The following PRKCA variants were observed in gnomAD, a reference collection of about 807,000 sequenced individuals.
PRKCA encodes the protein protein kinase C alpha type.
A neutral mutation model predicts 87.0 loss-of-function variants in PRKCA; 27 were observed. The observed-to-expected ratio is 0.31, with a 90% CI of 0.23 to 0.43. PRKCA has a LOEUF of 0.43. Ranked by LOEUF, PRKCA falls within the 20% of genes least tolerant of loss-of-function variation. The probability of loss-of-function intolerance (pLI) is 1.00; values close to 1 mark genes in which losing one functional copy is unlikely to be tolerated. For missense variants in PRKCA, 518 were observed against 852.3 expected (o/e 0.61, Z 4.88); for synonymous variants, 329 against 311.1 (o/e 1.06, Z -0.61).
intron 2 of PRKCA, among the ~76,000 whole-genome samples, chr17:66,452,863 CA>C (rs1914392307): frequency 6.6e-6 from 1 of 152,086 alleles, no homozygotes; most frequent in Non-Finnish European, 1.5e-5. Context: ...GACTCCGTCT[CA>C]AAAACAAACA....
At chr17:66,667,486 C>T (rs1347982979) in intron 5 of PRKCA, among the ~76,000 whole-genome samples, 1 of 152,138 alleles carries the variant, frequency 6.6e-6, no homozygotes, top group Non-Finnish European at 1.5e-5. Context: ...CCTTATAAAG[C>T]CATCAGATCT....
intron 2 of PRKCA, among the ~76,000 whole-genome samples, chr17:66,446,776 G>T (rs1914059713): frequency 6.6e-6 from 1 of 152,194 alleles, no homozygotes; most frequent in Non-Finnish European, 1.5e-5. Flanking sequence ...CTGGGCTGCA[G>T]TGGAAGAGGA....
Position 66,386,139 on chromosome 17 carries a change from G to A in PRKCA, c.205+80012G>A, listed in dbSNP as rs192747941. On this transcript the variant is annotated intron_variant, in intron 2 of 16. Coordinates refer to ENST00000413366, the MANE Select transcript of PRKCA (RefSeq NM_002737.3). ...GTAACCGCTTTTGAAGTCTCGTTGT[G>A]TCGTTTAAGAACTGCTTTTGAGGTA... is the stretch of plus-strand genomic sequence containing the variant. 1.3e-3 allele frequency among the ~76,000 whole-genome samples: 194 copies of A among 152,274 alleles called. 1 individual carries two copies. Among genetic ancestry groups the A allele is most frequent in the African/African-American group, 4.2e-3 (176 of 41,554 alleles).
chr17:66,688,462 T>C, intron 7 of PRKCA, 26 bp downstream of exon 7: 1 of 1,613,794 alleles, frequency 6.2e-7, no homozygotes, highest in Non-Finnish European at 8.5e-7. Context: ...AGGTTGAGTA[T>C]GTCTCAAAGC....
At chr17:66,417,839 C>T (rs1374353787) in intron 2 of PRKCA, among the ~76,000 whole-genome samples, 1 of 152,132 alleles carries the variant, frequency 6.6e-6, no homozygotes, top group African/African-American at 2.4e-5. Context: ...TAGAGTTGCT[C>T]AGGCCATTCT....
At chr17:66,617,481 G>A (rs1175597240) in intron 3 of PRKCA, among the ~76,000 whole-genome samples, 3 of 152,188 alleles carry the variant, frequency 2.0e-5, no homozygotes, top group Non-Finnish European at 4.4e-5. Context: ...TGAACCAGGG[G>A]AAACAGGCCA....
At chr17:66,780,378 T>G (rs1055222317) in intron 14 of PRKCA, among the ~76,000 whole-genome samples, 1 of 145,574 alleles carries the variant, frequency 6.9e-6, no homozygotes, top group African/African-American at 2.5e-5. Context: ...GCATCATAAT[T>G]TGAAAATAAT....
At chr17:66,749,788 G>A (rs1404074709) in intron 13 of PRKCA, among the ~76,000 whole-genome samples, 2 of 152,170 alleles carry the variant, frequency 1.3e-5, no homozygotes, top group Non-Finnish European at 2.9e-5. Flanking sequence ...ACTGAGAGGG[G>A]TGGAACTCTT....
chr17:66,394,750 T>A (rs1910561673), intron 2 of PRKCA, among the ~76,000 whole-genome samples: 1 of 152,180 alleles, frequency 6.6e-6, no homozygotes, highest in African/African-American at 2.4e-5. Flanking sequence ...CCCATGCTGT[T>A]CTTGTGATAG....
chr17:66,632,906 T>G (rs1032720441), intron 3 of PRKCA, among the ~76,000 whole-genome samples: 21 of 152,224 alleles, frequency 1.4e-4, no homozygotes, highest in Admixed American at 1.2e-3. Context: ...GGCAAAGGAC[T>G]CATAAGAAAC....
intron 2 of PRKCA, among the ~76,000 whole-genome samples, chr17:66,420,172 C>T (rs749383848): frequency 2.0e-4 from 31 of 151,892 alleles, no homozygotes; most frequent in Non-Finnish European, 8.8e-5. Flanking sequence ...CCACCACGCC[C>T]GGCTAATTTT....
chr17:66,791,342 C>G (rs998647057), intron 16 of PRKCA, among the ~76,000 whole-genome samples: 1 of 152,072 alleles, frequency 6.6e-6, no homozygotes, highest in African/African-American at 2.4e-5. Flanking sequence ...GAAGAGATTT[C>G]TCAGGCAGAA....
chr17:66,636,474 G>A (rs958400806), intron 3 of PRKCA, among the ~76,000 whole-genome samples: 1 of 152,140 alleles, frequency 6.6e-6, no homozygotes, highest in Non-Finnish European at 1.5e-5. Flanking sequence ...TGCAGAAGTC[G>A]GGAATGCGGG....
chr17:66,731,283 G>T (rs1478320840), intron 8 of PRKCA, among the ~76,000 whole-genome samples: 2 of 150,624 alleles, frequency 1.3e-5, no homozygotes, highest in Non-Finnish European at 2.9e-5. Context: ...GGCGGAGGTT[G>T]CAGTGAGCTG....
At chr17:66,798,378 C>CGGT (rs1191158029) in intron 16 of PRKCA, among the ~76,000 whole-genome samples, 55 of 54,978 alleles carry the variant, frequency 1.0e-3, no homozygotes, top group South Asian at 3.0e-3. Flanking sequence ...TTTCAGTAGG[C>CGGT]GGTGGTGGTG....
intron 16 of PRKCA, among the ~76,000 whole-genome samples, chr17:66,802,971 C>T (rs1196956104): frequency 6.6e-6 from 1 of 152,204 alleles, no homozygotes; most frequent in Non-Finnish European, 1.5e-5. Context: ...TCACCCTGGG[C>T]TCCCGGGGAC....
At chr17:66,630,886 A>C (rs943643441) in intron 3 of PRKCA, among the ~76,000 whole-genome samples, 6 of 152,192 alleles carry the variant, frequency 3.9e-5, no homozygotes, top group Non-Finnish European at 7.3e-5. Flanking sequence ...TCTGAGGGCC[A>C]TTGTAGATTG....
chr17:66,340,379 T>TC (rs1491403432), intron 2 of PRKCA, among the ~76,000 whole-genome samples: 1 of 124,210 alleles, frequency 8.1e-6, no homozygotes, highest in African/African-American at 3.2e-5. Context: ...TTTTTTTTTT[T>TC]CTTTTTTTTT....
At chr17:66,643,846 AGG>A (rs1228272107) in intron 4 of PRKCA, among the ~76,000 whole-genome samples, 1 of 152,178 alleles carries the variant, frequency 6.6e-6, no homozygotes, top group Non-Finnish European at 1.5e-5. Flanking sequence ...GCAGGACGTC[AGG>A]GGGCAGTTAG....
Sources: gnomAD v4.1 joint callset for allele counts (sites outside exome capture counted in the v4.1 genomes callset) on GRCh38, gnomAD v4.1.1 for gene constraint, MANE v1.5 for transcripts, NCBI Gene and HGNC (gene_info 2026-07-23, HGNC 2026-07-21) for gene names.